The following SLC36A3 variants were observed in gnomAD, a reference collection of about 807,000 sequenced individuals.
The protein encoded by SLC36A3 is solute carrier family 36 member 3.
Under a neutral mutation model 44.3 loss-of-function variants are expected in SLC36A3, and 35 were observed. That is an observed-to-expected ratio of 0.79 (90% confidence interval 0.60 to 1.05). SLC36A3 has a LOEUF of 1.05. Ranked by LOEUF, SLC36A3 falls within the 50% of genes least tolerant of loss-of-function variation. SLC36A3 has a pLI of 0.00. For synonymous variants in SLC36A3, 211 were observed against 227.6 expected, an observed-to-expected ratio of 0.93 and a Z score of 0.66; for missense variants, 540 against 578.7, an observed-to-expected ratio of 0.93 and a Z score of 0.69.
chr5:151,280,552 C>T (rs1430394721), intron 9 of SLC36A3, among the ~76,000 whole-genome samples: 1 of 152,182 alleles, frequency 6.6e-6, no homozygotes, highest in Non-Finnish European at 1.5e-5. Context: ...AGGACTTGTT[C>T]ATAATTTATG....
rs766915226 is a variant in SLC36A3 at position 151,293,398 on chromosome 5, T to C, written c.370A>G (p.Asn124Asp). ...ATMYGLETCPNTWLRAHAVWG... is the reference protein window; with the variant it reads ...ATMYGLETCPDTWLRAHAVWG... Reference sequence around the variant, plus strand: ...ACTGCATGGGCCCTCAGCCAGGTGTTCGGGCAGGTTTCAAGGCCGTACATC... The same window carrying C: ...ACTGCATGGGCCCTCAGCCAGGTGTCCGGGCAGGTTTCAAGGCCGTACATC... The change falls in exon 4 of 10, where the codon AAC becomes GAC. Residue 124 changes from asparagine (N) to aspartate (D), a missense_variant. Physicochemically the swap from Asn to Asp is conservative, Grantham distance 23 (BLOSUM62 1). Coordinates refer to ENST00000335230, the MANE Select transcript of SLC36A3 (RefSeq NM_181774.4). The C allele has an allele frequency of 1.9e-6, 3 of 1,613,818 alleles. No individual in the cohort carries two copies. In the South Asian group the frequency reaches 3.3e-5, roughly 18 times the overall value.
chr5:151,301,486 C>T (rs941403654), intron 1 of SLC36A3, among the ~76,000 whole-genome samples: 4 of 152,038 alleles, frequency 2.6e-5, no homozygotes, highest in African/African-American at 9.7e-5. Context: ...TTCTGCCATC[C>T]CTCCCAAGAA....
chr5:151,280,701 G>T (rs1188931258), intron 9 of SLC36A3, among the ~76,000 whole-genome samples: 1 of 152,192 alleles, frequency 6.6e-6, no homozygotes, highest in African/African-American at 2.4e-5. Context: ...GTAATACATT[G>T]TTAGGCTATC....
rs2127248076 is a variant in SLC36A3 at position 151,276,663 on chromosome 5, G to C, written c.*730C>G. The C allele has an allele frequency of 6.6e-6, 1 of 152,340 alleles. No homozygotes were observed. Among genetic ancestry groups the C allele is most frequent in the South Asian group, 2.1e-4 (1 of 4,832 alleles). The allele number at this position is 152,340 out of a possible 1,614,324, so 9.4% of individuals were successfully genotyped here. On this transcript the variant is annotated 3_prime_UTR_variant, in exon 10 of 10. Transcript: ENST00000335230. ...TGTTTAAGTTTTAAAGAAACTACAAGATGTTTATCAAACTGATTGTACTAC... is the reference window on the plus strand; with the variant it reads ...TGTTTAAGTTTTAAAGAAACTACAACATGTTTATCAAACTGATTGTACTAC...
chr5:151,278,523 A>G lies in SLC36A3; in HGVS notation c.1145-862T>C, dbSNP rs556088835. ...GTTTGGGGGTACATGTGATAATTCA[A>G]TATGTTTATATAATTAGTAAAGATC... On this transcript the variant is annotated intron_variant, in intron 9 of 9. Transcript: ENST00000335230. 3.3e-5 allele frequency among the ~76,000 whole-genome samples: 5 copies of G among 152,318 alleles called. No individual in the cohort carries two copies. In the East Asian group the frequency reaches 9.6e-4, roughly 29 times the overall value.
chr5:151,283,229 A>AT (rs906358973), intron 8 of SLC36A3, among the ~76,000 whole-genome samples: 9 of 151,322 alleles, frequency 5.9e-5, no homozygotes, highest in South Asian at 2.1e-4. Context: ...CCATCTGGCC[A>AT]TTTTTTTTTA....
At chr5:151,282,602 T>C (rs1417766284) in intron 8 of SLC36A3, among the ~76,000 whole-genome samples, 1 of 152,210 alleles carries the variant, frequency 6.6e-6, no homozygotes, top group Non-Finnish European at 1.5e-5. Context: ...TTAATGAATA[T>C]TTAGATTGGG....
Position 151,281,156 on chromosome 5 carries a change from G to A in SLC36A3, c.1002C>T (p.Tyr334=), listed in dbSNP as rs769860972. ...CATAGGTGAAGAAGATGCCGATAGA[G>A]TACATCAGCTTGACTGACTGGTACA... is the stretch of plus-strand genomic sequence containing the variant. ...CWLYQSVKLM[Y]SIGIFFTYAL... Residue 334 remains tyrosine (Y), a synonymous_variant, in exon 9 of 10, where the codon TAC becomes TAT. Coordinates refer to ENST00000335230, the MANE Select transcript of SLC36A3 (RefSeq NM_181774.4). 8.1e-6 allele frequency: 13 copies of A among 1,613,340 alleles called. No individual in the cohort carries two copies. Among genetic ancestry groups the A allele is most frequent in the Non-Finnish European group, 1.1e-5 (13 of 1,179,594 alleles).
At chr5:151,298,280 A>G (rs55836179) in intron 2 of SLC36A3, 22,920 of 257,800 alleles carry the variant, frequency 0.089, 1,272 homozygotes, top group East Asian at 0.2. Context: ...AAATGCCTGC[A>G]GGGATTGGGC....
intron 3 of SLC36A3, among the ~76,000 whole-genome samples, chr5:151,294,949 A>G (rs1054112675): frequency 2.6e-5 from 4 of 152,118 alleles, no homozygotes; most frequent in African/African-American, 4.8e-5. Context: ...GGGTTTAAAC[A>G]TTGACTAAAA....
Position 151,277,436 on chromosome 5 carries a change from G to A in SLC36A3, c.1370C>T (p.Pro457Leu). The A allele has an allele frequency of 6.2e-7, 1 of 1,614,172 alleles. No individual in the cohort carries two copies. Residue 457 changes from proline (P) to leucine (L), a missense_variant, in exon 10 of 10, where the codon CCC becomes CTC. Coordinates refer to ENST00000335230, the MANE Select transcript of SLC36A3 (RefSeq NM_181774.4). ...TYQALYELPQ[P>L]ISHSMANSTG... ...GGAGTTGGCCATGGAATGGCTGATG[G>A]GTTGGGGCAACTCATAGAGGGCTTG...
In SLC36A3 at chr5:151,300,446, A is replaced by G. The variant is rs1365498381; in HGVS notation, c.129-1763T>C. The stretch of plus-strand genomic sequence containing the variant: ...GGGGGTGGGCACCCATTGTCCCTTT[A>G]CTTCCAAGAGATAACCTTTATTTCT... On this transcript the variant is annotated intron_variant, in intron 1 of 9. Transcript: ENST00000335230. 6.6e-5 allele frequency among the ~76,000 whole-genome samples: 10 copies of G among 152,198 alleles called. No homozygotes were observed. The East Asian group carries it at 1.9e-3, about 29-fold the overall frequency.
In SLC36A3 at chr5:151,286,231, G is replaced by A. The variant is rs144668035; in HGVS notation, c.708+1015C>T. On this transcript the variant is annotated intron_variant, in intron 6 of 9. Transcript: ENST00000335230. ...GAGAACTAATGTTCCAGGACCTCCCGTGGATACCAAATCTGCAAATGCTCA... is the reference window on the plus strand; with the variant it reads ...GAGAACTAATGTTCCAGGACCTCCCATGGATACCAAATCTGCAAATGCTCA... Among the ~76,000 whole-genome samples, 405 of 152,304 alleles carry A rather than the reference G, an allele frequency of 2.7e-3. 1 individual carries two copies. The highest frequency in any genetic ancestry group is 9.3e-3 in the African/African-American group (388 of 41,564).
At position 151,303,312 on chromosome 5, in the gene SLC36A3, A is replaced by G; in HGVS notation, c.43T>C (p.Leu15=). 6.2e-7 allele frequency: 1 copy of G among 1,614,090 alleles called. No homozygotes were observed. The highest frequency in any genetic ancestry group is 2.2e-5 in the East Asian group (1 of 44,880). ...GRDYNSELNS[L]DNGPQSPSES... is the part of the protein sequence containing the mutation. Reference sequence around the variant, plus strand: ...GAGGGTGACTGAGGTCCGTTGTCCAAGGAGTTCAGCTCACTGTTGTAGTCC... The same window carrying G: ...GAGGGTGACTGAGGTCCGTTGTCCAGGGAGTTCAGCTCACTGTTGTAGTCC... The change falls in exon 1 of 10, where the codon TTG becomes CTG. Residue 15 remains leucine, a synonymous_variant. Transcript: ENST00000335230.
rs1288451298 is a variant in SLC36A3, at chr5:151,277,383, A to C, written c.*10T>G. On this transcript the variant is annotated 3_prime_UTR_variant, in exon 10 of 10. Coordinates refer to ENST00000335230, the MANE Select transcript of SLC36A3 (RefSeq NM_181774.4). ...GAGGAAGGGAGAGCTATTAGAATAAAAACAGATAATTATGCATGGACACCT... is the reference window on the plus strand; with the variant it reads ...GAGGAAGGGAGAGCTATTAGAATAACAACAGATAATTATGCATGGACACCT... 1.2e-6 allele frequency: 2 copies of C among 1,613,414 alleles called. No individual in the cohort carries two copies. Among genetic ancestry groups the C allele is most frequent in the Non-Finnish European group, 1.7e-6 (2 of 1,179,402 alleles).
At chr5:151,282,890 T>C (rs11746553) in intron 8 of SLC36A3, among the ~76,000 whole-genome samples, 3,505 of 61,226 alleles carry the variant, frequency 0.057, 51 homozygotes, top group African/African-American at 0.1. Flanking sequence ...TTCTTTCTTT[T>C]TTTTTTTTTT....
chr5:151,298,814 G>T, intron 1 of SLC36A3, 131 bp from the exon 2 acceptor site: 1 of 757,682 alleles, frequency 1.3e-6, no homozygotes, highest in Non-Finnish European at 2.2e-6. Context: ...AGGTGGACTT[G>T]GAGACAACTC....
At chr5:151,301,998 G>C (rs1443544670) in intron 1 of SLC36A3, among the ~76,000 whole-genome samples, 1 of 152,162 alleles carries the variant, frequency 6.6e-6, no homozygotes, top group Non-Finnish European at 1.5e-5. Context: ...GAACTAGATT[G>C]TAATACTTAC....
Position 151,277,667 on chromosome 5 carries a change from A to G in SLC36A3, c.1145-6T>C, listed in dbSNP as rs1459629853. 2.5e-6 allele frequency: 4 copies of G among 1,612,908 alleles called. No homozygotes were observed. Among genetic ancestry groups the G allele is most frequent in the East Asian group, 2.2e-5 (1 of 44,866 alleles). The stretch of plus-strand genomic sequence containing the variant: ...GATGAGGATGGCTGAGACACCTGCA[A>G]TGAAAGGAGATATTTAGAATCACTG... On this transcript the variant is annotated splice_polypyrimidine_tract_variant and splice_region_variant and intron_variant, in intron 9 of 9. Coordinates refer to ENST00000335230, the MANE Select transcript of SLC36A3 (RefSeq NM_181774.4).
Sources: gnomAD v4.1 joint callset for allele counts (sites outside exome capture counted in the v4.1 genomes callset) on GRCh38, gnomAD v4.1.1 for gene constraint, MANE v1.5 for transcripts, NCBI Gene and HGNC (gene_info 2026-07-23, HGNC 2026-07-21) for gene names.